The following GRM8 variants were observed in gnomAD, a reference collection of about 807,000 sequenced individuals.
GRM8 encodes glutamate metabotropic receptor 8.
Under a neutral mutation model 87.2 loss-of-function variants are expected in GRM8, and 47 were observed. The ratio of observed to expected loss-of-function variants is 0.54; its 90% CI spans 0.43 to 0.69. The LOEUF (loss-of-function observed/expected upper bound fraction) is 0.69. GRM8 is among the 30% of genes least tolerant of loss of function. The pLI is 0.00. For synonymous variants in GRM8, 396 were observed against 404.5 expected (o/e 0.98, Z 0.25); for missense variants, 1,019 against 1,139.2 (o/e 0.89, Z 1.52).
chr7:127,068,049 CAATA>C (rs1464725375), intron 3 of GRM8, among the ~76,000 whole-genome samples: 1 of 152,122 alleles, frequency 6.6e-6, no homozygotes, highest in Non-Finnish European at 1.5e-5. Context: ...ACTAAATAAA[CAATA>C]AATAAATAAT....
chr7:126,840,054 A>G (rs1235664744), intron 6 of GRM8, among the ~76,000 whole-genome samples: 1 of 152,162 alleles, frequency 6.6e-6, no homozygotes, highest in South Asian at 2.1e-4. Context: ...TTTCACCACC[A>G]TATATAATAA....
chr7:126,559,812 T>C (rs543694693), intron 8 of GRM8, among the ~76,000 whole-genome samples: 1 of 152,330 alleles, frequency 6.6e-6, no homozygotes, highest in African/African-American at 2.4e-5. Flanking sequence ...ATTTCAATTG[T>C]AGGCTCGATG....
intron 3 of GRM8, among the ~76,000 whole-genome samples, chr7:127,032,916 G>C (rs1817514596): frequency 1.3e-5 from 2 of 151,640 alleles, no homozygotes; most frequent in African/African-American, 2.4e-5. Flanking sequence ...ACAATCTAGA[G>C]AGAAAGGCTT....
At chr7:126,785,362 T>C (rs909938182) in intron 6 of GRM8, among the ~76,000 whole-genome samples, 1 of 152,094 alleles carries the variant, frequency 6.6e-6, no homozygotes, top group Admixed American at 6.6e-5. Context: ...CTGCTGCAAT[T>C]TGACTTCTAT....
rs558000495 is a variant in GRM8, at chr7:127,222,059, T to C, written c.510+20636A>G. ...GAAATGCCCCCACAGTGTCCCTTAA[T>C]TTGCTTCTTAAATGGTGAAATCTCT... On this transcript the variant is annotated intron_variant, in intron 2 of 10. Transcript: ENST00000339582. Among the ~76,000 whole-genome samples, 8 of 152,330 alleles carry C rather than the reference T, an allele frequency of 5.3e-5. No individual in the cohort carries two copies. In the South Asian group the frequency reaches 1.7e-3, roughly 32 times the overall value.
chr7:127,238,692 C>T (rs1451815030), intron 2 of GRM8, among the ~76,000 whole-genome samples: 1 of 152,194 alleles, frequency 6.6e-6, no homozygotes, highest in Non-Finnish European at 1.5e-5. Context: ...GCTCCAGGCC[C>T]TTATTCAACC....
At chr7:127,054,413 G>T (rs1323180745) in intron 3 of GRM8, among the ~76,000 whole-genome samples, 1 of 152,116 alleles carries the variant, frequency 6.6e-6, no homozygotes, top group Non-Finnish European at 1.5e-5. Context: ...CCACTAAACT[G>T]CTTAATATAT....
intron 3 of GRM8, among the ~76,000 whole-genome samples, chr7:127,084,049 G>A (rs890857196): frequency 6.6e-6 from 1 of 152,176 alleles, no homozygotes; most frequent in Non-Finnish European, 1.5e-5. Context: ...TACATTTGTG[G>A]CTTATCTGCT....
chr7:127,121,222 C>T (rs1363042674), intron 2 of GRM8, among the ~76,000 whole-genome samples: 1 of 152,202 alleles, frequency 6.6e-6, no homozygotes, highest in East Asian at 1.9e-4. Context: ...ATCAAGCCTG[C>T]ATGTCTTGGC....
Position 127,023,843 on chromosome 7 carries a change from A to G in GRM8, c.727+82653T>C, listed in dbSNP as rs561349758. Reference sequence around the variant, plus strand: ...GAGGCCCTCCATAAATAGAAAAACTACATTGGAACCCACTATGTAACACAA... The same window carrying G: ...GAGGCCCTCCATAAATAGAAAAACTGCATTGGAACCCACTATGTAACACAA... On this transcript the variant is annotated intron_variant, in intron 3 of 10. Coordinates refer to ENST00000339582, the MANE Select transcript of GRM8 (RefSeq NM_000845.3). Among the ~76,000 whole-genome samples the G allele has an allele frequency of 8.0e-4, 122 of 152,226 alleles. 1 individual carries two copies. The highest frequency in any genetic ancestry group is 1.0e-3 in the Admixed American group (16 of 15,278).
chr7:127,135,440 CAT>C (rs1827895847), intron 2 of GRM8, among the ~76,000 whole-genome samples: 1 of 151,780 alleles, frequency 6.6e-6, no homozygotes, highest in South Asian at 2.1e-4. Context: ...ATAATAAAGA[CAT>C]TTTACTAATT....
chr7:127,228,671 A>C (rs1297063377), intron 2 of GRM8: 1 of 152,192 alleles, frequency 6.6e-6, no homozygotes, highest in Non-Finnish European at 1.5e-5. Flanking sequence ...CTTAAAAAAA[A>C]AACTATTTAG....
At chr7:126,481,198 T>C (rs528043754) in intron 9 of GRM8, among the ~76,000 whole-genome samples, 1 of 152,122 alleles carries the variant, frequency 6.6e-6, no homozygotes, top group South Asian at 2.1e-4. Context: ...TAATTCCAAT[T>C]AGTGAACGAA....
At chr7:126,744,296 T>C (rs1262288870) in intron 7 of GRM8, among the ~76,000 whole-genome samples, 3 of 152,022 alleles carry the variant, frequency 2.0e-5, no homozygotes, top group South Asian at 2.1e-4. Context: ...ACTTGGGTGT[T>C]TGGAAGATTT....
rs116634360 is a variant in GRM8 at position 126,991,629 on chromosome 7, A to G, written c.728-86946T>C. On this transcript the variant is annotated intron_variant, in intron 3 of 10. Coordinates refer to ENST00000339582, the MANE Select transcript of GRM8 (RefSeq NM_000845.3). ...AGATTGTTAAAATAAACCAAAACAT[A>G]TGCAAATACTGGGAAAAAAGGATGC... is the stretch of plus-strand genomic sequence containing the variant. 1.9e-3 allele frequency among the ~76,000 whole-genome samples: 290 copies of G among 152,334 alleles called. 1 individual carries two copies. Among genetic ancestry groups the G allele is most frequent in the African/African-American group, 6.7e-3 (278 of 41,590 alleles).
At chr7:126,724,895 G>C (rs564279261) in intron 7 of GRM8, among the ~76,000 whole-genome samples, 1 of 152,014 alleles carries the variant, frequency 6.6e-6, no homozygotes, top group South Asian at 2.1e-4. Flanking sequence ...AAATAAACAA[G>C]ACATCCAAAG....
chr7:126,759,929 T>C (rs920108564), intron 7 of GRM8, among the ~76,000 whole-genome samples: 1 of 152,190 alleles, frequency 6.6e-6, no homozygotes, highest in African/African-American at 2.4e-5. Flanking sequence ...TTGGCCACTA[T>C]TACAAGGTGT....
At chr7:126,884,159 C>T (rs3808144) in intron 6 of GRM8, among the ~76,000 whole-genome samples, 16,798 of 151,804 alleles carry the variant, frequency 0.11, 1,118 homozygotes, top group East Asian at 0.22. Context: ...TTGCTGATGC[C>T]ATAAATTAAA....
intron 3 of GRM8, among the ~76,000 whole-genome samples, chr7:127,017,860 A>T (rs1393537822): frequency 6.6e-6 from 1 of 152,136 alleles, no homozygotes; most frequent in Non-Finnish European, 1.5e-5. Flanking sequence ...ATAATGCTTA[A>T]AGTGAGAACA....
Sources: gnomAD v4.1 joint callset for allele counts (sites outside exome capture counted in the v4.1 genomes callset) on GRCh38, gnomAD v4.1.1 for gene constraint, MANE v1.5 for transcripts, NCBI Gene and HGNC (gene_info 2026-07-23, HGNC 2026-07-21) for gene names.